Variants in MSH5 observed in about 807,000 individuals in gnomAD.
MSH5 encodes mutS homolog 5.
Under a neutral mutation model 107.7 loss-of-function variants are expected in MSH5, and 78 were observed. The observed-to-expected ratio is 0.72, with a 90% confidence interval of 0.60 to 0.87. The LOEUF (loss-of-function observed/expected upper bound fraction) is 0.87, where lower values mean the gene tolerates loss of function less well. Among genes scored for constraint, MSH5 ranks in the 40% least tolerant of loss-of-function variants. MSH5 has a pLI of 0.00. For synonymous variants in MSH5, 326 were observed against 399.5 expected, an observed-to-expected ratio of 0.82 and a Z score of 2.19; for missense variants, 889 against 1,046.6, an observed-to-expected ratio of 0.85 and a Z score of 2.08.
chr6:31,740,732 G>A lies in MSH5; in HGVS notation c.147+119G>A. The A allele has an allele frequency of 2.6e-6, 3 of 1,171,140 alleles. No individual in the cohort carries two copies. The highest frequency in any genetic ancestry group is 2.9e-5 in the East Asian group (1 of 33,900). 72.5% of individuals were successfully genotyped at this position (1,171,140 alleles called of 1,614,324 possible). On this transcript the variant is annotated intron_variant, in intron 2 of 24. Transcript: ENST00000375750. The surrounding 1 kb of genome is among the most constrained non-coding windows in gnomAD (Gnocchi z 4.4). ...TCTTAGCACTTTGGGAGACTGAGGC[G>A]GGCGGATCACCTGAGCTCAGGAGTT...
At position 31,759,914 on chromosome 6, in the gene MSH5, T is replaced by G; in HGVS notation, c.1624T>G (p.Tyr542Asp). 6.2e-7 allele frequency: 1 copy of G among 1,614,184 alleles called. No homozygotes were observed. The highest frequency in any genetic ancestry group is 1.1e-5 in the South Asian group (1 of 91,086). ...LLALASAARD[Y>D]GYSRPRYSPQ... is the part of the protein sequence containing the mutation. ...GGCTCTTGCCAGTGCTGCCCGGGAC[T>G]ATGGCTACTCAAGGCCGCGTTACTC... The change falls in exon 18 of 25, where the codon TAT (tyrosine) becomes GAT (aspartate). Residue 542 changes from tyrosine to aspartate, a missense_variant. By Grantham distance (160) the Tyr-to-Asp change is radical. Transcript: ENST00000375750. The surrounding 1 kb of genome is among the most constrained non-coding windows in gnomAD (Gnocchi z 4.7).
rs771470512 is a variant in MSH5 at position 31,758,275 on chromosome 6, CA to C, written c.1126del (p.Ser376AlafsTer6). ...TCTCTGATGACCTGCACCATATCGCCAGCCTCATTGGGAAAGTAGTGAGTAG... is the reference window on the plus strand; with the variant it reads ...TCTCTGATGACCTGCACCATATCGCCGCCTCATTGGGAAAGTAGTGAGTAG... ...EFSDDLHHIA[S>X]LIGKVVDFEG... On this transcript the variant is annotated frameshift_variant, in exon 13 of 25. Coordinates refer to ENST00000375750, the MANE Select transcript of MSH5 (RefSeq NM_172166.4). LOFTEE classifies it high-confidence loss of function. This position sits in a 1 kb window ranked among gnomAD's most constrained non-coding sequence, Gnocchi z 5.1. 1.2e-6 allele frequency: 2 copies of C among 1,612,920 alleles called. No homozygotes were observed. Among genetic ancestry groups the C allele is most frequent in the South Asian group, 2.2e-5 (2 of 91,072 alleles).
In MSH5 at chr6:31,742,952, A is replaced by T; in HGVS notation, c.347A>T (p.Lys116Met). 1.2e-6 allele frequency: 2 copies of T among 1,613,004 alleles called. No homozygotes were observed. The highest frequency in any genetic ancestry group is 1.7e-6 in the Non-Finnish European group (2 of 1,180,014). The change falls in exon 4 of 25, where the codon AAG (lysine) becomes ATG (methionine). Residue 116 changes from lysine (K) to methionine (M), a missense_variant. Physicochemically the swap from Lys to Met is moderately conservative, Grantham distance 95. Around this residue, in one of 3 missense-constraint regions of MSH5, gnomAD observed 518 missense variants for 565.0 expected, o/e 0.92. Transcript: ENST00000375750. The stretch of plus-strand genomic sequence containing the variant: ...GAGAATATGACTCGATTTCTGGGAA[A>T]GCTTGGTAAGGACTTGGTAAAGGAT... ...QDENMTRFLG[K>M]LASQEHREPK...
chr6:31,758,070 T>C lies in MSH5; in HGVS notation c.1015-95T>C. On this transcript the variant is annotated intron_variant, in intron 12 of 24. Transcript: ENST00000375750. The surrounding 1 kb of genome is among the most constrained non-coding windows in gnomAD (Gnocchi z 5.1). The stretch of plus-strand genomic sequence containing the variant: ...ATCTTCCCTCTTTGTTACTGTGATC[T>C]TCCCTACTGGTCTTTGTTCTTCTGA... The C allele has an allele frequency of 6.7e-7, 1 of 1,489,686 alleles. No individual in the cohort carries two copies. Among genetic ancestry groups the C allele is most frequent in the South Asian group, 1.2e-5 (1 of 85,734 alleles). The allele number at this position is 1,489,686 out of a possible 1,614,324, so 92.3% of individuals were successfully genotyped here.
rs1455360026 is a variant in MSH5 at position 31,760,530 on chromosome 6, G to A, written c.1813-160G>A. Reference sequence around the variant, plus strand: ...TTCTAAATTAGCCCACAGGGCTATGGTCAGGATTCGGGGAGGAGAGACAGA... The same window carrying A: ...TTCTAAATTAGCCCACAGGGCTATGATCAGGATTCGGGGAGGAGAGACAGA... On this transcript the variant is annotated intron_variant, in intron 19 of 24. Coordinates refer to ENST00000375750, the MANE Select transcript of MSH5 (RefSeq NM_172166.4). The surrounding 1 kb of genome is among the most constrained non-coding windows in gnomAD (Gnocchi z 5.6). Among the ~76,000 whole-genome samples, 2 of 152,324 alleles carry A rather than the reference G, an allele frequency of 1.3e-5. No individual in the cohort carries two copies. The highest frequency in any genetic ancestry group is 2.1e-4 in the South Asian group (1 of 4,820).
intron 10 of MSH5, among the ~76,000 whole-genome samples, chr6:31,749,915 A>G (rs3117572): frequency 0.88 from 133,349 of 152,200 alleles, 58,747 homozygotes; most frequent in African/African-American, 0.97. Context: ...CCGCTGCAAT[A>G]TGTATCTTGT....
In MSH5 at chr6:31,744,564, A is replaced by G; in HGVS notation, c.666A>G (p.Ile222Met). The G allele has an allele frequency of 6.2e-7, 1 of 1,613,302 alleles. No homozygotes were observed. Among genetic ancestry groups the G allele is most frequent in the Non-Finnish European group, 8.5e-7 (1 of 1,180,028 alleles). Residue 222 changes from isoleucine to methionine, a missense_variant, in exon 8 of 25, where the codon ATA becomes ATG. This residue lies in a region of MSH5 where 518 missense variants were observed against 565.0 expected (regional missense o/e 0.92). Transcript: ENST00000375750. Reference sequence around the variant, plus strand: ...TCCTCAGGACTCATCTGGTGAACATAGATCAAGACACTTACAGGTAAAGAG... The same window carrying G: ...TCCTCAGGACTCATCTGGTGAACATGGATCAAGACACTTACAGGTAAAGAG... Reference protein sequence around the residue: ...KKFMLTHLVNIDQDTYSVLQI... With the variant: ...KKFMLTHLVNMDQDTYSVLQI...
rs747762604 is a variant in MSH5 at position 31,743,187 on chromosome 6, G to T, written c.415+17G>T. The T allele has an allele frequency of 6.2e-7, 1 of 1,611,964 alleles. No homozygotes were observed. Among genetic ancestry groups the T allele is most frequent in the South Asian group, 1.1e-5 (1 of 91,054 alleles). On this transcript the variant is annotated intron_variant, in intron 5 of 24. Coordinates refer to ENST00000375750, the MANE Select transcript of MSH5 (RefSeq NM_172166.4). ...TGGATTTTGGTATCTCCTTCCTTTT[G>T]CTTTGCCTAACTCCCTGTTCCGGTG...
intron 10 of MSH5, chr6:31,751,670 T>TCGGGC (rs1809973750): frequency 6.9e-6 from 1 of 145,060 alleles, no homozygotes. Context: ...AATAATACTA[T>TCGGGC]CGGGCCAGGT....
chr6:31,759,272 A>G lies in MSH5; in HGVS notation c.1407+95A>G. 1.5e-6 allele frequency: 2 copies of G among 1,368,722 alleles called. No individual in the cohort carries two copies. Among genetic ancestry groups the G allele is most frequent in the Non-Finnish European group, 2.1e-6 (2 of 958,830 alleles). 84.8% of individuals were successfully genotyped at this position (1,368,722 alleles called of 1,614,324 possible). ...CTACAGCAGCACTGCCCAATATGGG[A>G]TCTCTCCTCTGTAGTTTTACTCTGA... On this transcript the variant is annotated intron_variant, in intron 16 of 24. Transcript: ENST00000375750. The surrounding 1 kb of genome is among the most constrained non-coding windows in gnomAD (Gnocchi z 4.7).
chr6:31,761,963 G>C lies in MSH5; in HGVS notation c.2319+8G>C. On this transcript the variant is annotated splice_region_variant and intron_variant, in intron 23 of 24. Transcript: ENST00000375750. This position sits in a 1 kb window ranked among gnomAD's most constrained non-coding sequence, Gnocchi z 5.3. ...GTGGCTCGTGGCAAGGAGGTGATGA[G>C]ATCCAAATGTGCAACCACCTCCACA... is the stretch of plus-strand genomic sequence containing the variant. The C allele has an allele frequency of 6.2e-7, 1 of 1,613,750 alleles. No individual in the cohort carries two copies.
rs1348605243 is a variant in MSH5 at position 31,761,912 on chromosome 6, C to T, written c.2276C>T (p.Ala759Val). The T allele has an allele frequency of 1.2e-6, 2 of 1,613,738 alleles. No individual in the cohort carries two copies. The highest frequency in any genetic ancestry group is 1.7e-6 in the Non-Finnish European group (2 of 1,180,028). The change falls in exon 23 of 25, where the codon GCC (alanine) becomes GTC (valine). Residue 759 changes from alanine to valine, a missense_variant. By Grantham distance (64) the Ala-to-Val change is moderately conservative. This residue lies in a region of MSH5 where 362 missense variants were observed against 456.2 expected (regional missense o/e 0.79). Transcript: ENST00000375750. This position sits in a 1 kb window ranked among gnomAD's most constrained non-coding sequence, Gnocchi z 5.3. Reference protein sequence around the residue: ...AKASHASHTAAQAGLPDKLVA... With the variant: ...AKASHASHTAVQAGLPDKLVA... ...GCCAGCCATGCCTCCCACACAGCTG[C>T]CCAGGCTGGGCTTCCTGACAAGCTT...
chr6:31,758,949 G>A lies in MSH5; in HGVS notation c.1326+74G>A. ...TATTAGGCTTATGAAAGACATACTG[G>A]TAGATAAGAAAACTTGTGGGGCAGC... On this transcript the variant is annotated intron_variant, in intron 15 of 24. Transcript: ENST00000375750. This position sits in a 1 kb window ranked among gnomAD's most constrained non-coding sequence, Gnocchi z 5.1. 2 of 1,463,716 alleles carry A rather than the reference G, an allele frequency of 1.4e-6. No individual in the cohort carries two copies. Among genetic ancestry groups the A allele is most frequent in the Non-Finnish European group, 1.9e-6 (2 of 1,045,486 alleles). 90.7% of individuals were successfully genotyped at this position (1,463,716 alleles called of 1,614,324 possible).
chr6:31,743,897 C>T lies in MSH5; in HGVS notation c.416-7C>T. The T allele has an allele frequency of 6.2e-7, 1 of 1,612,702 alleles. No individual in the cohort carries two copies. Among genetic ancestry groups the T allele is most frequent in the Non-Finnish European group, 8.5e-7 (1 of 1,179,802 alleles). Reference sequence around the variant, plus strand: ...GACCGTTCCCTTTGCTTGCCTCCCTCAAATAGGTCTGGAGATAAGCAAACA... The same window carrying T: ...GACCGTTCCCTTTGCTTGCCTCCCTTAAATAGGTCTGGAGATAAGCAAACA... On this transcript the variant is annotated splice_region_variant and splice_polypyrimidine_tract_variant and intron_variant, in intron 5 of 24. Coordinates refer to ENST00000375750, the MANE Select transcript of MSH5 (RefSeq NM_172166.4).
rs1467377168 is a variant in MSH5 at position 31,761,071 on chromosome 6, A to G, written c.1963-117A>G. ...GAACAAAGCGTGCACCTCACCATTC[A>G]AGAACTTGCAGTGCAGTAGGGAGGG... On this transcript the variant is annotated intron_variant, in intron 20 of 24. Coordinates refer to ENST00000375750, the MANE Select transcript of MSH5 (RefSeq NM_172166.4). The surrounding 1 kb of genome is among the most constrained non-coding windows in gnomAD (Gnocchi z 5.3). The G allele has an allele frequency of 9.1e-7, 1 of 1,098,906 alleles. No homozygotes were observed. Among genetic ancestry groups the G allele is most frequent in the Non-Finnish European group, 1.3e-6 (1 of 754,118 alleles). The allele number at this position is 1,098,906 out of a possible 1,614,324, so 68.1% of individuals were successfully genotyped here. A position where few individuals can be genotyped will look rare whatever the true frequency, so the allele number is the denominator to read the frequency against.
chr6:31,754,157 C>CT (rs1296479937), intron 12 of MSH5: 525 of 140,554 alleles, frequency 3.7e-3, no homozygotes, highest in African/African-American at 0.011. Context: ...ATTTCTTTTT[C>CT]TTTTTTTTTT....
Position 31,759,646 on chromosome 6 carries a change from C to A in MSH5, c.1495+134C>A. The stretch of plus-strand genomic sequence containing the variant: ...CTTCCTGCTCTCTGTCTCGCTCACT[C>A]TGACTCTATCTTTTCCTCTGAATGT... On this transcript the variant is annotated intron_variant, in intron 17 of 24. Coordinates refer to ENST00000375750, the MANE Select transcript of MSH5 (RefSeq NM_172166.4). This position sits in a 1 kb window ranked among gnomAD's most constrained non-coding sequence, Gnocchi z 4.7. 1 of 1,348,108 alleles carries A rather than the reference C, an allele frequency of 7.4e-7. No homozygotes were observed. Among genetic ancestry groups the A allele is most frequent in the Non-Finnish European group, 1.0e-6 (1 of 967,580 alleles). 83.5% of individuals were successfully genotyped at this position (1,348,108 alleles called of 1,614,324 possible).
chr6:31,745,253 A>G lies in MSH5; in HGVS notation c.700A>G (p.Lys234Glu). The G allele has an allele frequency of 2.5e-6, 4 of 1,612,722 alleles. No homozygotes were observed. The highest frequency in any genetic ancestry group is 3.4e-6 in the Non-Finnish European group (4 of 1,178,750). ...QDTYSVLQIF[K>E]SESHPSVYKV... ...CCTCGACAGTGTTCTACAGATTTTTAAGAGTGAGTCTCACCCCTCAGTGTA... is the reference window on the plus strand; with the variant it reads ...CCTCGACAGTGTTCTACAGATTTTTGAGAGTGAGTCTCACCCCTCAGTGTA... The change falls in exon 9 of 25, where the codon AAG (lysine) becomes GAG (glutamate). Residue 234 changes from lysine (K) to glutamate (E), a missense_variant. Around this residue, in one of 3 missense-constraint regions of MSH5, gnomAD observed 518 missense variants for 565.0 expected, o/e 0.92. Transcript: ENST00000375750.
intron 8 of MSH5, among the ~76,000 whole-genome samples, chr6:31,745,027 C>T (rs894358216): frequency 2.0e-5 from 3 of 146,594 alleles, no homozygotes; most frequent in Non-Finnish European, 4.4e-5. Context: ...TTGCTTGAAT[C>T]CAGGAGGCAG....
Sources: gnomAD v4.1 joint callset for allele counts (sites outside exome capture counted in the v4.1 genomes callset) on GRCh38, gnomAD v4.1.1 for gene constraint, gnomAD v4.1.1 regional missense constraint, Gnocchi (gnomAD v3.1) non-coding constraint, MANE v1.5 for transcripts, NCBI Gene and HGNC (gene_info 2026-07-23, HGNC 2026-07-21) for gene names.